Variants in SORCS1 observed in about 807,000 individuals in gnomAD.
SORCS1 encodes the protein sortilin related VPS10 domain containing receptor 1, also known as VPS10 domain-containing receptor SorCS1.
A neutral mutation model predicts 146.1 loss-of-function variants in SORCS1; 60 were observed. That is an observed-to-expected ratio of 0.41 (90% CI 0.33 to 0.51). The LOEUF (loss-of-function observed/expected upper bound fraction) is 0.51. SORCS1 is among the 20% of genes least tolerant of loss of function. The probability of loss-of-function intolerance (pLI) is 0.21; values close to 1 mark genes in which losing one functional copy is unlikely to be tolerated. For synonymous variants in SORCS1, 637 were observed against 584.0 expected (o/e 1.09, Z -1.31); for missense variants, 1,352 against 1,487.6 (o/e 0.91, Z 1.50).
At chr10:106,749,918 C>A (rs544585632) in intron 5 of SORCS1, among the ~76,000 whole-genome samples, 2 of 152,148 alleles carry the variant, frequency 1.3e-5, no homozygotes, top group Admixed American at 1.3e-4. Context: ...CAATGTCACA[C>A]CCCTTGAAAA....
At position 106,706,638 on chromosome 10, in the gene SORCS1, G is replaced by T. The variant is rs753242737; in HGVS notation, c.1144-4C>A. On this transcript the variant is annotated splice_polypyrimidine_tract_variant and splice_region_variant and intron_variant, in intron 7 of 25. Transcript: ENST00000263054. ...GTGGCCGCCCTCCTGATGTCAGCTG[G>T]ATCATAAAAACAAGACTGTAAGAAG... 5.6e-6 allele frequency: 9 copies of T among 1,613,972 alleles called. No homozygotes were observed. Among genetic ancestry groups the T allele is most frequent in the Non-Finnish European group, 7.6e-6 (9 of 1,179,906 alleles).
At chr10:106,972,403 A>G (rs972344319) in intron 1 of SORCS1, among the ~76,000 whole-genome samples, 12 of 150,820 alleles carry the variant, frequency 8.0e-5, no homozygotes, top group Non-Finnish European at 1.3e-4. Flanking sequence ...AAAAAAAATT[A>G]GAATTCCCCT....
intron 1 of SORCS1, among the ~76,000 whole-genome samples, chr10:107,070,802 T>A (rs1331167969): frequency 6.6e-6 from 1 of 152,128 alleles, no homozygotes; most frequent in East Asian, 1.9e-4. Flanking sequence ...TGAATACTCT[T>A]TTGGAGAATC....
intron 3 of SORCS1, among the ~76,000 whole-genome samples, chr10:106,791,210 T>G (rs1946304420): frequency 2.6e-5 from 4 of 152,254 alleles, no homozygotes; most frequent in Non-Finnish European, 5.9e-5. Flanking sequence ...TTCTATGGTT[T>G]TCAATATTCT....
At chr10:107,071,130 T>C (rs1962386831) in intron 1 of SORCS1, among the ~76,000 whole-genome samples, 1 of 152,186 alleles carries the variant, frequency 6.6e-6, no homozygotes, top group Non-Finnish European at 1.5e-5. Flanking sequence ...CAGAGTCAAG[T>C]TGCCAAAAGA....
intron 1 of SORCS1, among the ~76,000 whole-genome samples, chr10:107,048,477 T>A (rs1481712254): frequency 6.6e-6 from 1 of 152,210 alleles, no homozygotes; most frequent in African/African-American, 2.4e-5. Context: ...TCCACCAAAG[T>A]AGGAGGGCAT....
At position 106,975,519 on chromosome 10, in the gene SORCS1, A is replaced by C. The variant is rs1427287609; in HGVS notation, c.559-18939T>G. Among the ~76,000 whole-genome samples the C allele has an allele frequency of 2.6e-5, 4 of 152,234 alleles. No individual in the cohort carries two copies. The East Asian group carries it at 7.7e-4, about 29-fold the overall frequency. ...AGGAACAACTAACTATTGAAGGTTT[A>C]CTATGTTCAAGGAAGAGCTGGTAGA... On this transcript the variant is annotated intron_variant, in intron 1 of 25. Transcript: ENST00000263054.
intron 4 of SORCS1, among the ~76,000 whole-genome samples, chr10:106,773,897 C>A (rs970876077): frequency 6.6e-6 from 1 of 152,004 alleles, no homozygotes; most frequent in African/African-American, 2.4e-5. Flanking sequence ...TGCAGTGAGC[C>A]CAGATTGCGC....
intron 18 of SORCS1, among the ~76,000 whole-genome samples, chr10:106,632,815 G>A (rs865934386): frequency 3.3e-5 from 5 of 152,144 alleles, no homozygotes; most frequent in African/African-American, 7.2e-5. Context: ...CTGGAGAGCC[G>A]ATCTGATTGG....
intron 1 of SORCS1, among the ~76,000 whole-genome samples, chr10:107,095,055 A>G (rs1964453423): frequency 6.6e-6 from 1 of 152,210 alleles, no homozygotes; most frequent in Non-Finnish European, 1.5e-5. Context: ...GGCCTAGTGT[A>G]GGACACAGAT....
chr10:106,594,292 A>G (rs2133294082), intron 24 of SORCS1, among the ~76,000 whole-genome samples: 1 of 152,306 alleles, frequency 6.6e-6, no homozygotes, highest in East Asian at 1.9e-4. Flanking sequence ...AAAGTTAAAT[A>G]CGGTTAACAT....
At chr10:106,693,378 A>G (rs1853444448) in intron 9 of SORCS1, among the ~76,000 whole-genome samples, 1 of 152,060 alleles carries the variant, frequency 6.6e-6, no homozygotes, top group African/African-American at 2.4e-5. Context: ...CTGTCTAACT[A>G]CAGAGTCTAC....
intron 3 of SORCS1, among the ~76,000 whole-genome samples, chr10:106,822,000 A>G (rs548491129): frequency 6.6e-6 from 1 of 152,270 alleles, no homozygotes; most frequent in South Asian, 2.1e-4. Flanking sequence ...CAGGCAAATT[A>G]GCAGATATGG....
intron 1 of SORCS1, among the ~76,000 whole-genome samples, chr10:106,996,051 C>T (rs896666739): frequency 1.3e-5 from 2 of 151,798 alleles, no homozygotes; most frequent in African/African-American, 2.4e-5. Flanking sequence ...ACCAGCCTGG[C>T]CAAGACGGTG....
At chr10:107,178,348 A>G in the SORCS1 span, among the ~76,000 whole-genome samples, 2 of 151,922 alleles carry the variant, frequency 1.3e-5, no homozygotes, top group African/African-American at 4.8e-5. Context: ...CATGAGATTA[A>G]TTTTTTAAGC....
chr10:107,085,271 C>T (rs1332293938), intron 1 of SORCS1, among the ~76,000 whole-genome samples: 2 of 152,290 alleles, frequency 1.3e-5, no homozygotes, highest in Admixed American at 6.5e-5. Context: ...AAGCCTGATT[C>T]GTCCTCCGGT....
intron 1 of SORCS1, among the ~76,000 whole-genome samples, chr10:106,994,383 T>C (rs961704689): frequency 1.3e-5 from 2 of 152,180 alleles, no homozygotes; most frequent in Non-Finnish European, 2.9e-5. Context: ...TATATGTTAC[T>C]ATTCAGTATG....
chr10:106,882,709 G>T (rs1950851964), intron 2 of SORCS1, among the ~76,000 whole-genome samples: 1 of 151,954 alleles, frequency 6.6e-6, no homozygotes, highest in South Asian at 2.1e-4. Flanking sequence ...TGTGGAGGCG[G>T]GGACAAAAAC....
chr10:106,607,222 G>A lies in SORCS1; in HGVS notation c.3109C>T (p.Leu1037=). Reference sequence around the variant, plus strand: ...TCTCCAGCTGGATCCTGATAGGGTAGGACAAAGAGTTCAGCAGTGGTGGGT... The same window carrying A: ...TCTCCAGCTGGATCCTGATAGGGTAAGACAAAGAGTTCAGCAGTGGTGGGT... ...GLPTTAELFV[L]PYQDPAGENK... The change falls in exon 23 of 26, where the codon CTA becomes TTA. Residue 1037 remains leucine (L), a synonymous_variant. Coordinates refer to ENST00000263054, the MANE Select transcript of SORCS1 (RefSeq NM_052918.5). The A allele has an allele frequency of 1.2e-6, 2 of 1,614,136 alleles. No individual in the cohort carries two copies. The highest frequency in any genetic ancestry group is 2.2e-5 in the South Asian group (2 of 91,084).
Sources: gnomAD v4.1 joint callset for allele counts (sites outside exome capture counted in the v4.1 genomes callset) on GRCh38, gnomAD v4.1.1 for gene constraint, MANE v1.5 for transcripts, NCBI Gene and HGNC (gene_info 2026-07-23, HGNC 2026-07-21) for gene names.